The following ST3GAL3 variants were observed in gnomAD, a reference collection of about 807,000 sequenced individuals.
The protein encoded by ST3GAL3 is CMP-N-acetylneuraminate-beta-1,4-galactoside alpha-2,3-sialyltransferase.
A neutral mutation model predicts 50.1 loss-of-function variants in ST3GAL3; 21 were observed. The ratio of observed to expected loss-of-function variants is 0.42; its 90% CI spans 0.30 to 0.60. The LOEUF (loss-of-function observed/expected upper bound fraction) is 0.60. Ranked by LOEUF, ST3GAL3 falls within the 20% of genes least tolerant of loss-of-function variation. The probability of loss-of-function intolerance (pLI) is 0.19; values close to 1 mark genes in which losing one functional copy is unlikely to be tolerated. For missense variants in ST3GAL3, 353 were observed against 489.4 expected (o/e 0.72, Z 2.63); for synonymous variants, 183 against 190.0 (o/e 0.96, Z 0.30).
intron 1 of ST3GAL3, among the ~76,000 whole-genome samples, chr1:43,725,270 A>G (rs532046972): frequency 1.5e-4 from 23 of 151,880 alleles, no homozygotes; most frequent in African/African-American, 5.1e-4. Flanking sequence ...CAGTGGTGCA[A>G]TCGGCTTACT....
intron 1 of ST3GAL3, among the ~76,000 whole-genome samples, chr1:43,720,104 A>G (rs958165303): frequency 5.3e-5 from 8 of 151,940 alleles, no homozygotes; most frequent in Admixed American, 5.2e-4. Context: ...TTGGCTAGGC[A>G]TGTAGTCCCA....
chr1:43,805,588 G>A (rs748717822), intron 3 of ST3GAL3, among the ~76,000 whole-genome samples: 1 of 152,208 alleles, frequency 6.6e-6, no homozygotes, highest in Non-Finnish European at 1.5e-5. Flanking sequence ...GCACCTGTGA[G>A]GAAAAGAAGA....
intron 5 of ST3GAL3, among the ~76,000 whole-genome samples, chr1:43,849,232 A>G (rs1045262894): frequency 2.7e-5 from 4 of 148,432 alleles, no homozygotes; most frequent in Non-Finnish European, 5.9e-5. Flanking sequence ...GTTGAGATCT[A>G]GGGTTCTTTT....
At chr1:43,780,057 C>T (rs190119700) in intron 2 of ST3GAL3, among the ~76,000 whole-genome samples, 77 of 152,096 alleles carry the variant, frequency 5.1e-4, no homozygotes, top group African/African-American at 1.6e-3. Flanking sequence ...TTTCCTGGGC[C>T]CCATATTTTT....
intron 5 of ST3GAL3, among the ~76,000 whole-genome samples, chr1:43,862,344 C>G (rs938229891): frequency 6.6e-6 from 1 of 152,178 alleles, no homozygotes; most frequent in African/African-American, 2.4e-5. Flanking sequence ...CTGTGTATAC[C>G]ACATTATAAT....
intron 3 of ST3GAL3, among the ~76,000 whole-genome samples, chr1:43,806,789 A>C (rs1324695411): frequency 6.6e-6 from 1 of 152,190 alleles, no homozygotes; most frequent in East Asian, 1.9e-4. Flanking sequence ...TTCCGGGCTC[A>C]GGTGATCCTC....
At chr1:43,917,491 T>TATATAATATATA (rs1557534223) in intron 9 of ST3GAL3, among the ~76,000 whole-genome samples, 2 of 40,790 alleles carry the variant, frequency 4.9e-5, no homozygotes, top group African/African-American at 1.3e-4. Context: ...TAATATATAA[T>TATATAATATATA]ATATATAATA....
chr1:43,858,441 G>A, intron 5 of ST3GAL3: 1 of 754,846 alleles, frequency 1.3e-6, no homozygotes, highest in Non-Finnish European at 1.8e-6. Context: ...AGAGCAGGCA[G>A]GCTGGCTGCA....
chr1:43,838,466 TCCTACTCCATG>T (rs902680397), intron 5 of ST3GAL3, 155 bp downstream of exon 5: 4 of 711,828 alleles, frequency 5.6e-6, no homozygotes, highest in Non-Finnish European at 1.0e-5. Flanking sequence ...CCTACTCCAG[TCCTACTCCATG>T]CCGTTGCTTT....
intron 4 of ST3GAL3, among the ~76,000 whole-genome samples, chr1:43,830,024 T>G: frequency 9.4e-6 from 1 of 105,850 alleles, no homozygotes; most frequent in Admixed American, 1.1e-4. Flanking sequence ...TTTTTTTTTT[T>G]TGAGACAGGG....
intron 2 of ST3GAL3, among the ~76,000 whole-genome samples, chr1:43,744,218 T>A (rs576129321): frequency 1.2e-3 from 185 of 152,274 alleles, no homozygotes; most frequent in African/African-American, 4.2e-3. Flanking sequence ...TAATTACTCT[T>A]AAAAATGAAT....
chr1:43,910,390 A>G (rs1041860626), intron 9 of ST3GAL3, among the ~76,000 whole-genome samples: 7 of 152,312 alleles, frequency 4.6e-5, no homozygotes, highest in African/African-American at 1.7e-4. Context: ...CACAATTCAC[A>G]TCTTTGAGTT....
chr1:43,776,285 A>G lies in ST3GAL3; in HGVS notation c.119-15817A>G, dbSNP rs376233934. The stretch of plus-strand genomic sequence containing the variant: ...GTCACCGTAGATTTGCATGTCCTGG[A>G]CATTCCATATAAATAGAACCATATA... On this transcript the variant is annotated intron_variant, in intron 2 of 11. Transcript: ENST00000347631. Among the ~76,000 whole-genome samples, 14 of 152,328 alleles carry G rather than the reference A, an allele frequency of 9.2e-5. No homozygotes were observed. The East Asian group carries it at 1.7e-3, about 19-fold the overall frequency.
At chr1:43,707,823 C>G (rs578105748) in intron 1 of ST3GAL3, 130 bp downstream of exon 1, 38 of 152,256 alleles carry the variant, frequency 2.5e-4, no homozygotes, top group African/African-American at 8.9e-4. Context: ...CGCGCTAGTG[C>G]CCGGGAAGGC....
intron 9 of ST3GAL3, among the ~76,000 whole-genome samples, chr1:43,908,435 TCA>T (rs984331947): frequency 6.6e-5 from 10 of 152,164 alleles, no homozygotes; most frequent in African/African-American, 2.4e-4. Context: ...TGTACATTTT[TCA>T]GTGGGGGCCT....
intron 4 of ST3GAL3, among the ~76,000 whole-genome samples, chr1:43,824,127 A>T (rs1426302674): frequency 1.3e-5 from 2 of 152,256 alleles, no homozygotes; most frequent in Non-Finnish European, 2.9e-5. Flanking sequence ...AATCGAGGAC[A>T]GAAGGAAGAG....
At position 43,838,217 on chromosome 1, in the gene ST3GAL3, AG is replaced by A. The variant is rs2064760515; in HGVS notation, c.210del. The A allele has an allele frequency of 6.2e-7, 1 of 1,611,374 alleles. No individual in the cohort carries two copies. Among genetic ancestry groups the A allele is most frequent in the Non-Finnish European group, 8.5e-7 (1 of 1,178,568 alleles). ...GCTGTAACTTTCCTTCTCTTCCCAT[AG>A]GCCTGCTGAATTAGCCACCAAGTAC... On this transcript the variant is annotated splice_acceptor_variant, in intron 4 of 11. Transcript: ENST00000347631. LOFTEE classifies it high-confidence loss of function.
intron 1 of ST3GAL3, among the ~76,000 whole-genome samples, chr1:43,725,924 C>G (rs957804469): frequency 6.6e-6 from 1 of 152,126 alleles, no homozygotes; most frequent in East Asian, 1.9e-4. Context: ...GGATTACAGG[C>G]GTGAGCCATC....
intron 11 of ST3GAL3, among the ~76,000 whole-genome samples, chr1:43,929,822 A>T (rs891781654): frequency 6.6e-6 from 1 of 152,156 alleles, no homozygotes; most frequent in African/African-American, 2.4e-5. Flanking sequence ...AGTGGCTTGA[A>T]GTCTGTGGGA....
Sources: gnomAD v4.1 joint callset for allele counts (sites outside exome capture counted in the v4.1 genomes callset) on GRCh38, gnomAD v4.1.1 for gene constraint, MANE v1.5 for transcripts, NCBI Gene and HGNC (gene_info 2026-07-23, HGNC 2026-07-21) for gene names.